ZFPM2: variants seen among roughly 807,000 people sequenced by gnomAD.
ZFPM2 encodes zinc finger protein, FOG family member 2.
Under a neutral mutation model 98.6 loss-of-function variants are expected in ZFPM2, and 20 were observed. The ratio of observed to expected loss-of-function variants is 0.20; its 90% confidence interval spans 0.14 to 0.29. The LOEUF (loss-of-function observed/expected upper bound fraction) is 0.29, where lower values mean the gene tolerates loss of function less well. ZFPM2 is among the 10% of genes least tolerant of loss of function. The probability of loss-of-function intolerance (pLI) is 1.00; values close to 1 mark genes in which losing one functional copy is unlikely to be tolerated. For synonymous variants in ZFPM2, 518 were observed against 502.7 expected (o/e 1.03, Z -0.41); for missense variants, 1,310 against 1,388.6 (o/e 0.94, Z 0.90).
intron 4 of ZFPM2, among the ~76,000 whole-genome samples, chr8:105,627,745 A>G (rs545978938): frequency 1.3e-5 from 2 of 152,334 alleles, no homozygotes; most frequent in South Asian, 4.1e-4. Flanking sequence ...AAAGCAAGGC[A>G]TAATGGTGAA....
At chr8:105,562,329 TAAATAAA>T (rs1434788633) in intron 4 of ZFPM2, among the ~76,000 whole-genome samples, 3 of 25,016 alleles carry the variant, frequency 1.2e-4, no homozygotes, top group Admixed American at 1.0e-3. Context: ...AATAAATAAA[TAAATAAA>T]TAAATAAATA....
chr8:105,646,865 G>A (rs560012842), intron 5 of ZFPM2, among the ~76,000 whole-genome samples: 1 of 152,188 alleles, frequency 6.6e-6, no homozygotes, highest in South Asian at 2.1e-4. Flanking sequence ...TGTCATATTA[G>A]CACCTGTCTT....
At chr8:105,794,907 G>A (rs1190007066) in intron 6 of ZFPM2, among the ~76,000 whole-genome samples, 1 of 152,196 alleles carries the variant, frequency 6.6e-6, no homozygotes, top group African/African-American at 2.4e-5. Context: ...ATAATCTCCT[G>A]GTGCGCCATT....
intron 4 of ZFPM2, among the ~76,000 whole-genome samples, chr8:105,621,003 G>A (rs1816529011): frequency 6.6e-6 from 1 of 152,022 alleles, no homozygotes; most frequent in African/African-American, 2.4e-5. Flanking sequence ...GATTATCTTG[G>A]AAATGCGGGC....
At chr8:105,484,290 T>A (rs1351798151) in intron 3 of ZFPM2, among the ~76,000 whole-genome samples, 1 of 142,042 alleles carries the variant, frequency 7.0e-6, no homozygotes, top group Non-Finnish European at 1.5e-5. Context: ...TCTTAATAAA[T>A]TTTTTTTAAC....
At chr8:105,534,007 C>T (rs1814368821) in intron 3 of ZFPM2, among the ~76,000 whole-genome samples, 1 of 34,280 alleles carries the variant, frequency 2.9e-5, no homozygotes. Flanking sequence ...CTCCTTCCTT[C>T]CTTCCTCCCT....
intron 3 of ZFPM2, among the ~76,000 whole-genome samples, chr8:105,549,578 C>T (rs1159277530): frequency 1.0e-4 from 13 of 130,242 alleles, no homozygotes; most frequent in African/African-American, 1.4e-4. Context: ...TTCCATCCTT[C>T]GTTCCTTCTT....
At chr8:105,746,123 A>G (rs1285705906) in intron 5 of ZFPM2, among the ~76,000 whole-genome samples, 2 of 151,880 alleles carry the variant, frequency 1.3e-5, no homozygotes, top group Non-Finnish European at 2.9e-5. Flanking sequence ...ATGTGTACTG[A>G]AAACATCCTT....
At chr8:105,447,844 G>A (rs1359143833) in intron 3 of ZFPM2, among the ~76,000 whole-genome samples, 2 of 151,962 alleles carry the variant, frequency 1.3e-5, no homozygotes, top group African/African-American at 4.8e-5. Flanking sequence ...CGTCTGACGT[G>A]TTTCATTTTA....
chr8:105,442,900 T>G (rs1191713975), intron 2 of ZFPM2, among the ~76,000 whole-genome samples: 1 of 67,906 alleles, frequency 1.5e-5, no homozygotes, highest in Non-Finnish European at 2.4e-5. Context: ...AAGTTCAGTG[T>G]TTTTTTTTTG....
chr8:105,510,231 A>G (rs921636568), intron 3 of ZFPM2, among the ~76,000 whole-genome samples: 2 of 152,166 alleles, frequency 1.3e-5, no homozygotes, highest in Non-Finnish European at 2.9e-5. Flanking sequence ...ACTGTTAAAG[A>G]GCCAAGTCAC....
At chr8:105,421,243 A>C (rs1277526084) in intron 2 of ZFPM2, among the ~76,000 whole-genome samples, 1 of 152,106 alleles carries the variant, frequency 6.6e-6, no homozygotes, top group East Asian at 1.9e-4. Flanking sequence ...TATTATTATT[A>C]ATTTTTTTAT....
At chr8:105,688,411 G>A (rs1311235309) in intron 5 of ZFPM2, among the ~76,000 whole-genome samples, 1 of 151,996 alleles carries the variant, frequency 6.6e-6, no homozygotes, top group Non-Finnish European at 1.5e-5. Context: ...AATTATTGTA[G>A]GTGGTTTTAT....
chr8:105,562,646 T>A (rs1815164638), intron 4 of ZFPM2, among the ~76,000 whole-genome samples: 1 of 152,144 alleles, frequency 6.6e-6, no homozygotes, highest in Non-Finnish European at 1.5e-5. Flanking sequence ...CCCTTCCATC[T>A]TCAAAGCCAC....
At chr8:105,749,681 A>G (rs942256947) in intron 5 of ZFPM2, among the ~76,000 whole-genome samples, 5 of 151,866 alleles carry the variant, frequency 3.3e-5, no homozygotes, top group Non-Finnish European at 5.9e-5. Flanking sequence ...TAAATGGAAG[A>G]GAGTAAGATA....
intron 3 of ZFPM2, among the ~76,000 whole-genome samples, chr8:105,506,155 AG>A (rs986644965): frequency 2.1e-4 from 32 of 152,172 alleles, no homozygotes; most frequent in African/African-American, 7.2e-4. Context: ...ATTATTTTGG[AG>A]CAGCAAGCAG....
intron 5 of ZFPM2, among the ~76,000 whole-genome samples, chr8:105,667,237 C>T (rs1284627553): frequency 6.6e-6 from 1 of 152,110 alleles, no homozygotes; most frequent in Non-Finnish European, 1.5e-5. Context: ...GTGTCTGCCA[C>T]TATGGGCTTA....
At chr8:105,427,039 C>T (rs1351066097) in intron 2 of ZFPM2, among the ~76,000 whole-genome samples, 4 of 152,086 alleles carry the variant, frequency 2.6e-5, no homozygotes, top group African/African-American at 9.7e-5. Flanking sequence ...TGGCATCACT[C>T]TTTTATAGCC....
Position 105,444,528 on chromosome 8 carries a change from A to G in ZFPM2, c.301+147A>G, listed in dbSNP as rs1387092049. ...GTTTAAATAAAGATTATTATTTTAA[A>G]AATACTTCTTAGATTTTTGTTATAT... On this transcript the variant is annotated intron_variant, in intron 3 of 7. Transcript: ENST00000407775. 25 of 476,250 alleles carry G rather than the reference A, an allele frequency of 5.2e-5. No individual in the cohort carries two copies. In the South Asian group the frequency reaches 1.1e-3, roughly 22 times the overall value. 29.5% of individuals were successfully genotyped at this position (476,250 alleles called of 1,614,324 possible). A position where few individuals can be genotyped will look rare whatever the true frequency, so the allele number is the denominator to read the frequency against.
Sources: gnomAD v4.1 joint callset for allele counts (sites outside exome capture counted in the v4.1 genomes callset) on GRCh38, gnomAD v4.1.1 for gene constraint, MANE v1.5 for transcripts, NCBI Gene and HGNC (gene_info 2026-07-23, HGNC 2026-07-21) for gene names.